The following LINGO1 variants were observed in gnomAD, a reference collection of about 807,000 sequenced individuals.
The protein encoded by LINGO1 is leucine rich repeat and Ig domain containing 1.
In LINGO1, 11 loss-of-function variants were observed where a neutral mutation model predicts 37.3. That is an observed-to-expected ratio of 0.29 (90% CI 0.19 to 0.49). The LOEUF (loss-of-function observed/expected upper bound fraction) is 0.49, where lower values mean the gene tolerates loss of function less well. Ranked by LOEUF, LINGO1 falls within the 20% of genes least tolerant of loss-of-function variation. The probability of loss-of-function intolerance (pLI) is 0.99; values close to 1 mark genes in which losing one functional copy is unlikely to be tolerated. For synonymous variants in LINGO1, 387 were observed against 403.0 expected, an observed-to-expected ratio of 0.96 and a Z score of 0.48; for missense variants, 585 against 878.2, an observed-to-expected ratio of 0.67 and a Z score of 4.22.
intron 2 of LINGO1, among the ~76,000 whole-genome samples, chr15:77,793,455 G>C (rs182172892): frequency 6.6e-6 from 1 of 152,048 alleles, no homozygotes; most frequent in Admixed American, 6.5e-5. Context: ...GCAAGCCTCC[G>C]GTGCTCCATG....
At chr15:77,715,577 C>T (rs916744462) in intron 2 of LINGO1, among the ~76,000 whole-genome samples, 6 of 152,342 alleles carry the variant, frequency 3.9e-5, no homozygotes, top group African/African-American at 1.4e-4. Flanking sequence ...GCTTGGGTAA[C>T]CCCGGGCAAG....
At chr15:77,626,167 C>A (rs922000453) in intron 1 of LINGO1, among the ~76,000 whole-genome samples, 1 of 152,112 alleles carries the variant, frequency 6.6e-6, no homozygotes. Flanking sequence ...TGGGCTAGGG[C>A]CTAGGAAGGA....
rs761070827 is a variant in LINGO1 at position 77,664,166 on chromosome 15, TGTGTGC to T, written c.-13+12917_-13+12922del. On this transcript the variant is annotated intron_variant, in intron 3 of 3. Transcript: ENST00000559893. ...GTGTGTGTGTGTGTGTGTGTGTGTG[TGTGTGC>T]GCGCGCGCATGCGTTTGCATTCTCA... 1.2e-4 allele frequency among the ~76,000 whole-genome samples: 15 copies of T among 122,968 alleles called. 1 individual carries two copies. Among genetic ancestry groups the T allele is most frequent in the African/African-American group, 3.6e-4 (8 of 22,236 alleles). 80.7% of individuals were successfully genotyped at this position (122,968 alleles called of 152,430 possible).
At chr15:77,776,514 CAGGAAGGGAGGA>C (rs1567577691) in intron 1 of LINGO1, among the ~76,000 whole-genome samples, 3 of 75,756 alleles carry the variant, frequency 4.0e-5, no homozygotes, top group African/African-American at 1.8e-4. Context: ...GGCAGGAAGG[CAGGAAGGGAGGA>C]AGGGAGGGAG....
chr15:77,713,187 C>A (rs982175183), intron 2 of LINGO1, among the ~76,000 whole-genome samples: 1 of 150,962 alleles, frequency 6.6e-6, no homozygotes, highest in African/African-American at 2.4e-5. Flanking sequence ...GGATTACAGG[C>A]ACACACCACC....
At position 77,730,012 on chromosome 15, in the gene LINGO1, C is replaced by T. The variant is rs150927607; in HGVS notation, c.-195+4980G>A. On this transcript the variant is annotated intron_variant, in intron 2 of 3. Coordinates refer to the LINGO1 transcript ENST00000561686. Reference sequence around the variant, plus strand: ...AAAATGGCAAATCCCCTCCGTCCCCCACATTTACCTGCTCCCCAGGGAATG... The same window carrying T: ...AAAATGGCAAATCCCCTCCGTCCCCTACATTTACCTGCTCCCCAGGGAATG... Among the ~76,000 whole-genome samples the T allele has an allele frequency of 2.8e-4, 42 of 152,254 alleles. No homozygotes were observed. The East Asian group carries it at 7.3e-3, about 27-fold the overall frequency.
intron 3 of LINGO1, chr15:77,641,945 G>A (rs1315678949): frequency 1.5e-5 from 7 of 456,572 alleles, no homozygotes; most frequent in East Asian, 6.9e-5. Flanking sequence ...ACCTGTTGGC[G>A]GAGTGGTCTT....
At chr15:77,786,299 G>A (rs1056048657) in intron 1 of LINGO1, among the ~76,000 whole-genome samples, 2 of 152,062 alleles carry the variant, frequency 1.3e-5, no homozygotes, top group African/African-American at 4.8e-5. Context: ...CTTGCTCAAG[G>A]CCACCCAGTA....
At chr15:77,794,590 A>ATTTTT (rs370121489) in intron 2 of LINGO1, among the ~76,000 whole-genome samples, 2 of 93,526 alleles carry the variant, frequency 2.1e-5, no homozygotes, top group African/African-American at 8.2e-5. Context: ...ATATATATAT[A>ATTTTT]TTTTTTTTTT....
intron 2 of LINGO1, among the ~76,000 whole-genome samples, chr15:77,793,594 T>C (rs1455953694): frequency 1.3e-5 from 2 of 152,222 alleles, no homozygotes; most frequent in African/African-American, 4.8e-5. Context: ...CATGACTTTC[T>C]TCATCCAAGC....
At chr15:77,658,900 G>A (rs1043576580) in intron 3 of LINGO1, among the ~76,000 whole-genome samples, 2 of 152,232 alleles carry the variant, frequency 1.3e-5, no homozygotes, top group African/African-American at 2.4e-5. Flanking sequence ...CAAAGGGCCC[G>A]TGGGCCCTGG....
chr15:77,818,605 A>T (rs1354807584), intron 1 of LINGO1, among the ~76,000 whole-genome samples: 1 of 152,052 alleles, frequency 6.6e-6, no homozygotes, highest in East Asian at 1.9e-4. Context: ...CGTCCTGAGG[A>T]GCAGAAGGCG....
chr15:77,643,954 G>T (rs768821751), intron 3 of LINGO1, among the ~76,000 whole-genome samples: 1 of 152,166 alleles, frequency 6.6e-6, no homozygotes, highest in Admixed American at 6.5e-5. Context: ...TCCCCGCTCC[G>T]CCCTCATTCC....
At chr15:77,740,005 A>G (rs370967923) in intron 1 of LINGO1, among the ~76,000 whole-genome samples, 1 of 152,226 alleles carries the variant, frequency 6.6e-6, no homozygotes, top group East Asian at 1.9e-4. Context: ...AGAGCTGGGG[A>G]CCTAGGGGAT....
intron 1 of LINGO1, among the ~76,000 whole-genome samples, chr15:77,745,717 C>A (rs2076307720): frequency 6.6e-6 from 1 of 152,218 alleles, no homozygotes; most frequent in Admixed American, 6.5e-5. Context: ...CCCTGGCAGG[C>A]AAGACCAGCC....
intron 1 of LINGO1, among the ~76,000 whole-genome samples, chr15:77,693,465 T>C (rs2075639406): frequency 6.6e-6 from 1 of 152,212 alleles, no homozygotes; most frequent in Non-Finnish European, 1.5e-5. Flanking sequence ...ATATTGGAAT[T>C]TATTCTATGG....
chr15:77,690,642 T>C (rs2075587247), intron 2 of LINGO1: 1 of 152,244 alleles, frequency 6.6e-6, no homozygotes, highest in Non-Finnish European at 1.5e-5. Context: ...CAGAAAGATA[T>C]CCCTTTTGTT....
chr15:77,696,828 C>T (rs2075702105), upstream of LINGO1, among the ~76,000 whole-genome samples: 1 of 152,254 alleles, frequency 6.6e-6, no homozygotes, highest in Non-Finnish European at 1.5e-5. Flanking sequence ...GACTGGGTAC[C>T]GGGGCCTGCC....
At chr15:77,652,240 T>C (rs2141141518) in intron 3 of LINGO1, 1 of 152,294 alleles carries the variant, frequency 6.6e-6, no homozygotes, top group South Asian at 2.1e-4. Context: ...TCGAATAAGA[T>C]GATGGATACC....
Sources: allele counts gnomAD v4.1 joint callset (sites outside exome capture counted in the v4.1 genomes callset), GRCh38; gene constraint gnomAD v4.1.1; transcripts MANE v1.5; gene names NCBI Gene and HGNC (gene_info 2026-07-23, HGNC 2026-07-21).